The following RARB variants were observed in gnomAD, a reference collection of about 807,000 sequenced individuals.
RARB encodes retinoic acid receptor beta.
In RARB, 17 loss-of-function variants were observed where a neutral mutation model predicts 51.9. That is an observed-to-expected ratio of 0.33 (90% CI 0.22 to 0.49). RARB has a LOEUF of 0.49. RARB is among the 20% of genes least tolerant of loss of function. RARB has a pLI of 0.99. For synonymous variants in RARB, 215 were observed against 195.4 expected, an observed-to-expected ratio of 1.10 and a Z score of -0.84; for missense variants, 369 against 550.8, an observed-to-expected ratio of 0.67 and a Z score of 3.30.
intron 5 of RARB, among the ~76,000 whole-genome samples, chr3:25,420,224 T>C (rs1222145595): frequency 2.0e-5 from 3 of 152,196 alleles, no homozygotes; most frequent in Non-Finnish European, 4.4e-5. Context: ...TTGAGCTTTT[T>C]ATTTGCCTTT....
rs371966976 is a variant in RARB at position 25,495,699 on chromosome 3, T to G, written c.307-5483T>G. On this transcript the variant is annotated intron_variant, in intron 2 of 7. Transcript: ENST00000330688. ...TGAAAAATCCACGGTTAGAAAATGC[T>G]TGACTCAGTGTGTAACACAGATCTG... Among the ~76,000 whole-genome samples, 220 of 152,374 alleles carry G rather than the reference T, an allele frequency of 1.4e-3. 1 individual carries two copies. Among genetic ancestry groups the G allele is most frequent in the African/African-American group, 5.0e-3 (206 of 41,592 alleles).
intron 5 of RARB, among the ~76,000 whole-genome samples, chr3:25,211,135 T>C (rs903252529): frequency 2.6e-5 from 4 of 152,172 alleles, no homozygotes; most frequent in African/African-American, 9.7e-5. Context: ...ATCAGATCAA[T>C]TGATATTATT....
At chr3:25,420,392 A>G (rs931681018) in intron 5 of RARB, among the ~76,000 whole-genome samples, 5 of 152,196 alleles carry the variant, frequency 3.3e-5, no homozygotes, top group African/African-American at 1.2e-4. Flanking sequence ...TTGTGTTGCT[A>G]ATAGAACTTG....
chr3:25,055,995 G>T (rs867116056), intron 2 of RARB, among the ~76,000 whole-genome samples: 2 of 152,180 alleles, frequency 1.3e-5, no homozygotes, highest in African/African-American at 4.8e-5. Flanking sequence ...AATGCTGTGG[G>T]AACAGAGTTT....
At position 25,308,887 on chromosome 3, in the gene RARB, C is replaced by G. The variant is rs185968665; in HGVS notation, c.178+134312C>G. Among the ~76,000 whole-genome samples the G allele has an allele frequency of 2.6e-3, 401 of 152,286 alleles. 1 individual carries two copies. The highest frequency in any genetic ancestry group is 9.3e-3 in the African/African-American group (385 of 41,560). ...CTGTCACCGGGCACTAACATGATATCCCAGATGTGGTTCTACCAATGTGGA... is the reference window on the plus strand; with the variant it reads ...CTGTCACCGGGCACTAACATGATATGCCAGATGTGGTTCTACCAATGTGGA... On this transcript the variant is annotated intron_variant, in intron 5 of 11. Transcript: ENST00000383772.
At chr3:25,141,582 G>A (rs1490375467) in intron 4 of RARB, among the ~76,000 whole-genome samples, 1 of 152,126 alleles carries the variant, frequency 6.6e-6, no homozygotes, top group Non-Finnish European at 1.5e-5. Context: ...TACAGAAAAT[G>A]AAAGGGCTAT....
chr3:25,572,431 A>G (rs1700746519), intron 4 of RARB, among the ~76,000 whole-genome samples: 1 of 152,138 alleles, frequency 6.6e-6, no homozygotes. Flanking sequence ...TTGCCCTCAT[A>G]TTACAGATGC....
chr3:24,997,640 C>T (rs1226001630), intron 2 of RARB, among the ~76,000 whole-genome samples: 1 of 152,056 alleles, frequency 6.6e-6, no homozygotes, highest in Non-Finnish European at 1.5e-5. Flanking sequence ...TTGCCTTGGC[C>T]TCCTAAAGTG....
chr3:25,428,495 C>A lies in RARB; in HGVS notation c.-237C>A, dbSNP rs1708069770. 4 of 1,266,212 alleles carry A rather than the reference C, an allele frequency of 3.2e-6. No individual in the cohort carries two copies. The highest frequency in any genetic ancestry group is 3.8e-5 in the Admixed American group (1 of 26,130). 78.4% of individuals were successfully genotyped at this position (1,266,212 alleles called of 1,614,324 possible). ...ACTTGGGATCTTTCTGGGAACCCCC[C>A]GCCCCGGCTGGATTGGCCGAGCAAG... On this transcript the variant is annotated 5_prime_UTR_variant, in exon 1 of 8. Coordinates refer to ENST00000330688, the MANE Select transcript of RARB (RefSeq NM_000965.5).
At chr3:25,131,044 T>C (rs993923134) in intron 3 of RARB, among the ~76,000 whole-genome samples, 4 of 150,530 alleles carry the variant, frequency 2.7e-5, no homozygotes, top group African/African-American at 9.9e-5. Context: ...AATGATCTTA[T>C]CAATATTTAT....
intron 2 of RARB, among the ~76,000 whole-genome samples, chr3:24,863,377 G>T (rs1702790463): frequency 6.6e-6 from 1 of 152,192 alleles, no homozygotes; most frequent in Non-Finnish European, 1.5e-5. Context: ...TAGTTAAACA[G>T]TGATACTGTG....
At chr3:24,880,876 C>G (rs1703145615) in intron 2 of RARB, among the ~76,000 whole-genome samples, 2 of 152,148 alleles carry the variant, frequency 1.3e-5, no homozygotes, top group Admixed American at 6.5e-5. Flanking sequence ...ATTCTTTTTC[C>G]ACATTAATGT....
chr3:25,004,756 A>G (rs1305988873), intron 2 of RARB, among the ~76,000 whole-genome samples: 1 of 152,164 alleles, frequency 6.6e-6, no homozygotes, highest in Non-Finnish European at 1.5e-5. Flanking sequence ...TTGAGATGGT[A>G]AATGAGACAA....
chr3:25,583,720 G>A (rs1292293502), intron 5 of RARB, among the ~76,000 whole-genome samples: 1 of 152,180 alleles, frequency 6.6e-6, no homozygotes, highest in Non-Finnish European at 1.5e-5. Context: ...CCATTTAGTG[G>A]GCAGCCCACA....
chr3:25,453,879 C>A (rs1441130222), intron 1 of RARB, among the ~76,000 whole-genome samples: 1 of 152,184 alleles, frequency 6.6e-6, no homozygotes, highest in Non-Finnish European at 1.5e-5. Context: ...CACCCCAAAC[C>A]CGGGACTAAT....
intron 5 of RARB, among the ~76,000 whole-genome samples, chr3:25,194,468 T>C (rs537505320): frequency 1.3e-5 from 2 of 150,870 alleles, no homozygotes; most frequent in African/African-American, 4.9e-5. Context: ...AGTATATATA[T>C]ACAGTAGTGT....
At chr3:25,584,152 C>A (rs998933808) in intron 5 of RARB, among the ~76,000 whole-genome samples, 1 of 152,140 alleles carries the variant, frequency 6.6e-6, no homozygotes, top group African/African-American at 2.4e-5. Context: ...CTCCACCCCT[C>A]TTCCCTCCCT....
intron 1 of RARB, among the ~76,000 whole-genome samples, chr3:25,439,395 T>A (rs1011412744): frequency 6.6e-6 from 1 of 152,198 alleles, no homozygotes; most frequent in Non-Finnish European, 1.5e-5. Flanking sequence ...TTTCAGTGAC[T>A]TCAAACATGT....
intron 2 of RARB, among the ~76,000 whole-genome samples, chr3:25,007,120 A>C (rs1297492906): frequency 6.6e-6 from 1 of 152,234 alleles, no homozygotes. Flanking sequence ...TGCCAAACCC[A>C]AAAGATACAA....
Sources: gnomAD v4.1 joint callset for allele counts (sites outside exome capture counted in the v4.1 genomes callset) on GRCh38, gnomAD v4.1.1 for gene constraint, MANE v1.5 for transcripts, NCBI Gene and HGNC (gene_info 2026-07-23, HGNC 2026-07-21) for gene names.